SYNE2: variants seen among roughly 807,000 people sequenced by gnomAD.
SYNE2 encodes the protein nesprin-2.
A neutral mutation model predicts 856.3 loss-of-function variants in SYNE2; 431 were observed. The observed-to-expected ratio is 0.50, with a 90% CI of 0.47 to 0.55. The LOEUF is 0.55. Among genes scored for constraint, SYNE2 ranks in the 20% least tolerant of loss-of-function variants. The pLI is 0.00. For missense variants in SYNE2, 8,129 were observed against 8,023.2 expected (o/e 1.01, Z -0.50); for synonymous variants, 2,923 against 2,872.3 (o/e 1.02, Z -0.56).
chr14:64,222,308 C>T (rs1163496669), intron 112 of SYNE2, among the ~76,000 whole-genome samples: 1 of 152,258 alleles, frequency 6.6e-6, no homozygotes, highest in Non-Finnish European at 1.5e-5. Flanking sequence ...GTAGAACTTT[C>T]TGAAGTGATA....
At chr14:63,954,665 G>C in intron 7 of SYNE2, 54 bp from the exon 8 acceptor site, 1 of 1,472,926 alleles carries the variant, frequency 6.8e-7, no homozygotes, top group Non-Finnish European at 9.5e-7. Context: ...TAGTGGAGGG[G>C]GGTGTTACGT....
intron 2 of SYNE2, among the ~76,000 whole-genome samples, chr14:63,923,348 G>A (rs1468254571): frequency 6.6e-6 from 1 of 152,218 alleles, no homozygotes; most frequent in Admixed American, 6.5e-5. Flanking sequence ...TTGCTCATGT[G>A]GCAACACGAG....
At position 64,052,160 on chromosome 14, in the gene SYNE2, A is replaced by G. The variant is rs957070747; in HGVS notation, c.8247A>G (p.Glu2749=). 1.2e-6 allele frequency: 2 copies of G among 1,614,072 alleles called. No individual in the cohort carries two copies. Among genetic ancestry groups the G allele is most frequent in the Admixed American group, 1.7e-5 (1 of 60,002 alleles). The change falls in exon 48 of 116, where the codon GAA becomes GAG. Residue 2749 remains glutamate, a synonymous_variant. Transcript: ENST00000555002. ...TILWAKNLLG[E]LNPSIPLLPD... Reference sequence around the variant, plus strand: ...TATGGGCCAAGAATTTGTTGGGTGAACTTAATCCCTCCATTCCCCTTCTCC... The same window carrying G: ...TATGGGCCAAGAATTTGTTGGGTGAGCTTAATCCCTCCATTCCCCTTCTCC...
rs2095919646 is a variant in SYNE2 at position 63,941,751 on chromosome 14, C to T, written c.198C>T (p.Val66=). ...DLFTDIKKGH[V]LLDLLEVLSG... is the part of the protein sequence containing the mutation. ...TCACAGACATTAAAAAGGGGCATGT[C>T]CTCCTGGATCTGCTAGAAGTACTTT... Residue 66 remains valine (V), a synonymous_variant, in exon 4 of 116, where the codon GTC becomes GTT. Coordinates refer to ENST00000555002, the MANE Select transcript of SYNE2 (RefSeq NM_182914.3). 6.2e-7 allele frequency: 1 copy of T among 1,614,096 alleles called. No individual in the cohort carries two copies. The highest frequency in any genetic ancestry group is 1.7e-5 in the Admixed American group (1 of 60,022).
At position 63,924,832 on chromosome 14, in the gene SYNE2, G is replaced by GTTTTTTTTTTTTTTTTTTTTTTT. The variant is rs1491139905; in HGVS notation, c.79+15606_79+15607insTTTTTTTTTTTTTTTTTTTTTTT. On this transcript the variant is annotated intron_variant, in intron 2 of 115. Transcript: ENST00000555002. ...TTTAACTTTTTTCCTTCCAGCCTTG[G>GTTTTTTTTTTTTTTTTTTTTTTT]TGTTTTTTTTTTTTTTTTTTTTTTT... Among the ~76,000 whole-genome samples the GTTTTTTTTTTTTTTTTTTTTTTT allele has an allele frequency of 1.6e-3, 150 of 92,858 alleles. 46 individuals are homozygous for GTTTTTTTTTTTTTTTTTTTTTTT. Among genetic ancestry groups the GTTTTTTTTTTTTTTTTTTTTTTT allele is most frequent in the Admixed American group, 2.1e-3 (17 of 8,074 alleles). 60.9% of individuals were successfully genotyped at this position (92,858 alleles called of 152,430 possible).
At chr14:63,956,578 C>G (rs569267724) in intron 8 of SYNE2, 5 of 384,376 alleles carry the variant, frequency 1.3e-5, no homozygotes, top group African/African-American at 1.1e-4. Context: ...AATTCACATA[C>G]CATATGATGT....
At chr14:64,214,865 G>C (rs2098658358) in intron 106 of SYNE2, among the ~76,000 whole-genome samples, 1 of 151,976 alleles carries the variant, frequency 6.6e-6, no homozygotes, top group South Asian at 2.1e-4. Context: ...TCAGCCTCCT[G>C]AGTAGCTGGG....
At chr14:64,159,259 T>C in intron 86 of SYNE2, 53 bp from the exon 87 acceptor site, 1 of 1,612,176 alleles carries the variant, frequency 6.2e-7, no homozygotes, top group Non-Finnish European at 8.5e-7. Context: ...GCCACCTTCT[T>C]TGGAAGTAGC....
chr14:63,771,637 G>A (rs951976161), intron 1 of SYNE2, among the ~76,000 whole-genome samples: 3 of 152,088 alleles, frequency 2.0e-5, no homozygotes, highest in East Asian at 3.9e-4. Context: ...GGTGGCTTAC[G>A]CCTGTAATCC....
chr14:64,066,632 C>G (rs1392540433), intron 51 of SYNE2, among the ~76,000 whole-genome samples: 1 of 152,218 alleles, frequency 6.6e-6, no homozygotes, highest in Non-Finnish European at 1.5e-5. Context: ...TGAGGCCTGA[C>G]TAGTGAATAG....
chr14:64,010,093 A>G lies in SYNE2; in HGVS notation c.4705A>G (p.Asn1569Asp), dbSNP rs771129997. Residue 1569 changes from asparagine (N) to aspartate (D), a missense_variant, in exon 32 of 116, where the codon AAC becomes GAC. Asn to Asp is a conservative substitution (Grantham distance 23). Coordinates refer to ENST00000555002, the MANE Select transcript of SYNE2 (RefSeq NM_182914.3). ...SLQASYMGKE[N>D]LKKRIAEIEI... ...GCAGGCTTCGTACATGGGAAAGGAG[A>G]ACCTGAAGAAAAGGATAGCAGAGGT... 2.5e-6 allele frequency: 4 copies of G among 1,613,290 alleles called. No individual in the cohort carries two copies. Among genetic ancestry groups the G allele is most frequent in the Non-Finnish European group, 3.4e-6 (4 of 1,179,592 alleles).
intron 100 of SYNE2, among the ~76,000 whole-genome samples, chr14:64,205,356 TG>T (rs1371475138): frequency 6.6e-6 from 1 of 152,212 alleles, no homozygotes; most frequent in African/African-American, 2.4e-5. Context: ...TCCAAAACAC[TG>T]GAAACAAATG....
In SYNE2 at chr14:64,129,786, C is replaced by T. The variant is rs1027561703; in HGVS notation, c.14024C>T (p.Ala4675Val). Residue 4675 changes from alanine (A) to valine (V), a missense_variant, in exon 75 of 116, where the codon GCA becomes GTA. Around this residue, in one of 3 missense-constraint regions of SYNE2, gnomAD observed 5,410 missense variants for 5,284.8 expected, o/e 1.02. Transcript: ENST00000555002. ...GQSVAEQLQK[A>V]DAYTVELENA... The stretch of plus-strand genomic sequence containing the variant: ...CTTGTATTGTCTCTCACTTAGAAAG[C>T]AGATGCATATACAGTGGAGCTGGAG... The T allele has an allele frequency of 1.2e-6, 2 of 1,614,018 alleles. No homozygotes were observed. The highest frequency in any genetic ancestry group is 1.7e-6 in the Non-Finnish European group (2 of 1,180,028).
In SYNE2 at chr14:63,909,084, C is replaced by T; in HGVS notation, c.-51-14C>T. ...GCAAAGTTACTAATGAACATTTATC[C>T]ATTTCACTTTCAGTTCACTTCTTCA... On this transcript the variant is annotated splice_polypyrimidine_tract_variant and intron_variant, in intron 1 of 115. Transcript: ENST00000555002. 8.9e-7 allele frequency: 1 copy of T among 1,126,524 alleles called. No homozygotes were observed. The highest frequency in any genetic ancestry group is 1.4e-6 in the Non-Finnish European group (1 of 737,190). The allele number at this position is 1,126,524 out of a possible 1,614,324, so 69.8% of individuals were successfully genotyped here.
At chr14:63,813,862 G>A (rs985596245) in intron 1 of SYNE2, among the ~76,000 whole-genome samples, 2 of 152,158 alleles carry the variant, frequency 1.3e-5, no homozygotes, top group Non-Finnish European at 2.9e-5. Flanking sequence ...GACCAGCCTG[G>A]CCAATATGGT....
intron 113 of SYNE2, among the ~76,000 whole-genome samples, chr14:64,224,181 CAAAAAAA>C (rs35804232): frequency 0.012 from 900 of 74,762 alleles, 21 homozygotes; most frequent in African/African-American, 0.036. Flanking sequence ...CCCGTCTCTG[CAAAAAAA>C]AAAAAAAAAA....
At chr14:63,815,205 C>CATAT (rs1316734811) in intron 1 of SYNE2, among the ~76,000 whole-genome samples, 1 of 94,612 alleles carries the variant, frequency 1.1e-5, no homozygotes, top group African/African-American at 3.7e-5. Context: ...TATATATATC[C>CATAT]ATATATATAT....
At chr14:63,921,029 A>G (rs1338868354) in intron 2 of SYNE2, among the ~76,000 whole-genome samples, 1 of 152,128 alleles carries the variant, frequency 6.6e-6, no homozygotes, top group Non-Finnish European at 1.5e-5. Context: ...ACAGGAGAAT[A>G]GCTTGAACCT....
chr14:63,991,121 A>T lies in SYNE2; in HGVS notation c.2646+6A>T, dbSNP rs768967034. 2.0e-5 allele frequency: 32 copies of T among 1,613,836 alleles called. 1 individual carries two copies. The highest frequency in any genetic ancestry group is 2.5e-5 in the Non-Finnish European group (29 of 1,179,878). On this transcript the variant is annotated splice_donor_region_variant and intron_variant, in intron 21 of 115. Transcript: ENST00000555002. ...AACTCATTTCAAAACACAAGGTGGG[A>T]ATCTTTTCAACCATCAAATGTAGGA...
Sources: allele counts gnomAD v4.1 joint callset (sites outside exome capture counted in the v4.1 genomes callset), GRCh38; gene constraint gnomAD v4.1.1; regional missense constraint gnomAD v4.1.1; transcripts MANE v1.5; gene names NCBI Gene and HGNC (gene_info 2026-07-23, HGNC 2026-07-21).